RTKN2: variants seen among roughly 807,000 people sequenced by gnomAD.
RTKN2 encodes rhotekin 2, also known as rhotekin-2.
RTKN2 carries 69 observed loss-of-function variants against 71.5 expected under a neutral mutation model. The observed-to-expected ratio is 0.96, with a 90% CI of 0.79 to 1.18. The LOEUF (loss-of-function observed/expected upper bound fraction) is 1.18, where lower values mean the gene tolerates loss of function less well. Ranked by LOEUF, RTKN2 falls within the 50% of genes most tolerant of loss-of-function variation. RTKN2 has a pLI of 0.00. For missense variants in RTKN2, 724 were observed against 719.7 expected (o/e 1.01, Z -0.07); for synonymous variants, 236 against 236.5 (o/e 1.00, Z 0.02).
intron 3 of RTKN2, 47 bp downstream of exon 3, chr10:62,245,952 C>T (rs3815999): frequency 0.75 from 871,234 of 1,161,680 alleles, 329,188 homozygotes; most frequent in East Asian, 0.9. Context: ...CATGTAGTTA[C>T]GTTATAGAAT....
Position 62,198,372 on chromosome 10 carries a change from G to A in RTKN2, c.1366C>T (p.Gln456Ter). The change falls in exon 12 of 12, where the codon CAG becomes TAG. Residue 456 changes from glutamine to a stop codon, truncating the protein, a stop_gained. Coordinates refer to ENST00000373789, the MANE Select transcript of RTKN2 (RefSeq NM_145307.4). LOFTEE classifies it high-confidence loss of function. ...TCTTCATGCTGACCAATAAGGAACT[G>A]CCCATTTGTCTCTTCAATTTTTTTT... is the stretch of plus-strand genomic sequence containing the variant. The part of the protein sequence containing the change: ...IQKKIEETNG[Q>*]FLIGQHEESL... 2 of 1,603,362 alleles carry A rather than the reference G, an allele frequency of 1.2e-6. No homozygotes were observed. The highest frequency in any genetic ancestry group is 1.1e-5 in the South Asian group (1 of 88,284).
chr10:62,265,875 T>C (rs1290678617), intron 1 of RTKN2, among the ~76,000 whole-genome samples: 1 of 152,104 alleles, frequency 6.6e-6, no homozygotes, highest in Admixed American at 6.6e-5. Context: ...TCAAAGAAGA[T>C]GAGTAGGGAA....
chr10:62,218,563 G>C (rs1841830621), intron 7 of RTKN2, among the ~76,000 whole-genome samples: 1 of 152,056 alleles, frequency 6.6e-6, no homozygotes, highest in Non-Finnish European at 1.5e-5. Context: ...AAAATGAACT[G>C]TTTAGTCTCT....
intron 9 of RTKN2, among the ~76,000 whole-genome samples, chr10:62,215,833 C>T (rs150841109): frequency 6.6e-6 from 1 of 151,750 alleles, no homozygotes; most frequent in Non-Finnish European, 1.5e-5. Flanking sequence ...TACAACACTG[C>T]ATAAACCAAA....
In RTKN2 at chr10:62,195,671, G is replaced by T. The variant is rs1392773729; in HGVS notation, c.*2237C>A. 62 of 942,362 alleles carry T rather than the reference G, an allele frequency of 6.6e-5. No individual in the cohort carries two copies. Among genetic ancestry groups the T allele is most frequent in the Non-Finnish European group, 5.0e-6 (4 of 796,726 alleles). 58.4% of individuals were successfully genotyped at this position (942,362 alleles called of 1,614,324 possible). ...GGAAGGAAGGAAGGAAGGAAGGAAG[G>T]AAACCAACTCTGTATTATAACTACA... On this transcript the variant is annotated 3_prime_UTR_variant, in exon 12 of 12. Transcript: ENST00000373789.
intron 6 of RTKN2, among the ~76,000 whole-genome samples, chr10:62,227,988 A>G (rs910220600): frequency 2.0e-4 from 31 of 152,290 alleles, no homozygotes; most frequent in African/African-American, 7.0e-4. Context: ...CAGATAAAGG[A>G]GGTAAGAATT....
downstream of RTKN2, among the ~76,000 whole-genome samples, chr10:62,188,173 C>T (rs1841165599): frequency 6.6e-6 from 1 of 152,178 alleles, no homozygotes; most frequent in Admixed American, 6.5e-5. Context: ...CTTAGCCATG[C>T]GTTTCTGGCT....
exon 9 of RTKN2, chr10:62,184,243 T>C (rs1841099552): frequency 4.2e-6 from 4 of 945,674 alleles, no homozygotes; most frequent in Admixed American, 2.4e-5. Context: ...TTTTCCCTCA[T>C]GAAGCTTACA....
chr10:62,209,386 GGTGTGTGT>G (rs67801429), intron 9 of RTKN2, among the ~76,000 whole-genome samples: 3 of 150,942 alleles, frequency 2.0e-5, no homozygotes, highest in South Asian at 2.1e-4. Context: ...AATTGTCTAT[GGTGTGTGT>G]GTGTGTGTGT....
chr10:62,196,298 T>G lies in RTKN2; in HGVS notation c.*1610A>C. The G allele has an allele frequency of 1.0e-6, 1 of 983,478 alleles. No homozygotes were observed. The highest frequency in any genetic ancestry group is 1.2e-6 in the Non-Finnish European group (1 of 828,148). The allele number at this position is 983,478 out of a possible 1,614,324, so 60.9% of individuals were successfully genotyped here. A position where few individuals can be genotyped will look rare whatever the true frequency, so the allele number is the denominator to read the frequency against. ...ATAAGTTTACTTTTTAAGGTTTCCA[T>G]ACATGTGATGATCTCTACATGCTAT... is the stretch of plus-strand genomic sequence containing the variant. On this transcript the variant is annotated 3_prime_UTR_variant, in exon 12 of 12. Transcript: ENST00000373789.
intron 7 of RTKN2, among the ~76,000 whole-genome samples, chr10:62,219,035 A>AT (rs1240515691): frequency 7.2e-5 from 11 of 152,208 alleles, no homozygotes; most frequent in Non-Finnish European, 1.3e-4. Flanking sequence ...AGAACTTAAG[A>AT]TAACTTCATC....
chr10:62,260,295 A>T (rs1463739502), intron 2 of RTKN2, among the ~76,000 whole-genome samples: 1 of 152,226 alleles, frequency 6.6e-6, no homozygotes, highest in East Asian at 1.9e-4. Flanking sequence ...GATATTCAGT[A>T]TATCTGCATA....
At chr10:62,189,341 A>G (rs977213755), downstream of RTKN2, among the ~76,000 whole-genome samples, 1 of 152,156 alleles carries the variant, frequency 6.6e-6, no homozygotes, top group Non-Finnish European at 1.5e-5. Flanking sequence ...GGTTGAGATC[A>G]TAGTTCTAGG....
At chr10:62,207,320 T>A (rs942275548) in intron 9 of RTKN2, among the ~76,000 whole-genome samples, 2 of 151,976 alleles carry the variant, frequency 1.3e-5, no homozygotes, top group Admixed American at 1.3e-4. Context: ...GCCATAAATA[T>A]CACTACATTT....
chr10:62,213,455 T>C (rs1349139691), intron 9 of RTKN2, among the ~76,000 whole-genome samples: 1 of 152,174 alleles, frequency 6.6e-6, no homozygotes, highest in Admixed American at 6.6e-5. Flanking sequence ...TTAGAAGAAT[T>C]GTCGAGGATG....
chr10:62,266,137 T>C (rs1468330164), intron 1 of RTKN2, among the ~76,000 whole-genome samples: 1 of 152,134 alleles, frequency 6.6e-6, no homozygotes, highest in Non-Finnish European at 1.5e-5. Flanking sequence ...ACGCTATAAG[T>C]AGTTAAAGTC....
Position 62,196,926 on chromosome 10 carries a change from G to C in RTKN2, c.*982C>G, listed in dbSNP as rs1173572151. The C allele has an allele frequency of 1.0e-6, 1 of 982,988 alleles. No individual in the cohort carries two copies. Among genetic ancestry groups the C allele is most frequent in the Non-Finnish European group, 1.2e-6 (1 of 827,988 alleles). 60.9% of individuals were successfully genotyped at this position (982,988 alleles called of 1,614,324 possible). ...TATGGAAATTACCTCCTATGGAAAT[G>C]ATTCCAATGTCACTGTTGTAAGAAT... On this transcript the variant is annotated 3_prime_UTR_variant, in exon 12 of 12. Transcript: ENST00000373789.
In RTKN2 at chr10:62,218,211, C is replaced by G; in HGVS notation, c.872G>C (p.Gly291Ala). ...TCCTCTAACCTGCTGATTAAGAAAT[C>G]CTGCAAATGCATCCTCAGCCATACA... ...PACMAEDAFA[G>A]FLNQQQMVEG... The change falls in exon 8 of 12, where the codon GGA becomes GCA. Residue 291 changes from glycine (G) to alanine (A), a missense_variant. Physicochemically the swap from Gly to Ala is moderately conservative, Grantham distance 60. Transcript: ENST00000373789. The G allele has an allele frequency of 6.2e-7, 1 of 1,611,452 alleles. No homozygotes were observed. Among genetic ancestry groups the G allele is most frequent in the Non-Finnish European group, 8.5e-7 (1 of 1,177,958 alleles).
intron 2 of RTKN2, among the ~76,000 whole-genome samples, chr10:62,258,305 G>C (rs1223908113): frequency 1.3e-5 from 2 of 152,178 alleles, no homozygotes; most frequent in African/African-American, 4.8e-5. Context: ...AAAGGCTTTA[G>C]AATGAAGTAA....
Sources: allele counts gnomAD v4.1 joint callset (sites outside exome capture counted in the v4.1 genomes callset), GRCh38; gene constraint gnomAD v4.1.1; transcripts MANE v1.5; gene names NCBI Gene and HGNC (gene_info 2026-07-23, HGNC 2026-07-21).